DHRS7B: variants seen among roughly 807,000 people sequenced by gnomAD.
The protein encoded by DHRS7B is peroxisomal reductase activating PPAR-gamma.
In DHRS7B, 24 loss-of-function variants were observed where a neutral mutation model predicts 26.4. That is an observed-to-expected ratio of 0.91 (90% CI 0.66 to 1.28). The LOEUF (loss-of-function observed/expected upper bound fraction) is 1.28. DHRS7B is among the 50% of genes most tolerant of loss of function. The pLI is 0.00. For synonymous variants in DHRS7B, 142 were observed against 166.4 expected, an observed-to-expected ratio of 0.85 and a Z score of 1.13; for missense variants, 368 against 419.4, an observed-to-expected ratio of 0.88 and a Z score of 1.07.
At chr17:21,163,387 T>C (rs1401635644) in intron 1 of DHRS7B, among the ~76,000 whole-genome samples, 1 of 152,200 alleles carries the variant, frequency 6.6e-6, no homozygotes, top group African/African-American at 2.4e-5. Flanking sequence ...TTGAGTTCCC[T>C]TTAAAAAGCA....
chr17:21,172,362 C>G (rs1410906812), intron 2 of DHRS7B, 166 bp downstream of exon 2: 1 of 838,164 alleles, frequency 1.2e-6, no homozygotes, highest in East Asian at 2.9e-5. Flanking sequence ...GTGGAAAAAG[C>G]AGGAGCCAAG....
At chr17:21,166,568 G>T in intron 1 of DHRS7B, 1 of 662,438 alleles carries the variant, frequency 1.5e-6, no homozygotes, top group Non-Finnish European at 1.9e-6. Flanking sequence ...GTTTGACCCT[G>T]CCTTTACTTT....
intron 3 of DHRS7B, among the ~76,000 whole-genome samples, chr17:21,180,263 T>A (rs1431108939): frequency 6.6e-6 from 1 of 151,744 alleles, no homozygotes; most frequent in Non-Finnish European, 1.5e-5. Context: ...TTAGTAGAGA[T>A]TGGGTTTCAC....
intron 1 of DHRS7B, among the ~76,000 whole-genome samples, chr17:21,157,316 A>G (rs1318525407): frequency 6.6e-6 from 1 of 152,250 alleles, no homozygotes; most frequent in African/African-American, 2.4e-5. Context: ...TCCTCAAAAA[A>G]TATTAGCAAA....
rs1266752997 is a variant in DHRS7B, at chr17:21,129,719, AAAAAAG to A, written c.20+2740_20+2745del. Among the ~76,000 whole-genome samples the A allele has an allele frequency of 6.2e-4, 93 of 149,828 alleles. No homozygotes were observed. The East Asian group carries it at 0.013, about 21-fold the overall frequency. On this transcript the variant is annotated intron_variant, in intron 1 of 6. Coordinates refer to ENST00000395511, the MANE Select transcript of DHRS7B (RefSeq NM_015510.5). ...GACCCTGACTCAAAAAAAAAAAAAA[AAAAAAG>A]AAAAAGAAAAAAATAAGCATTAAAC...
intron 2 of DHRS7B, among the ~76,000 whole-genome samples, chr17:21,176,141 C>T (rs938680181): frequency 6.6e-6 from 1 of 152,128 alleles, no homozygotes; most frequent in East Asian, 2.0e-4. Flanking sequence ...CAGGCATGCG[C>T]CACCACACCT....
chr17:21,171,480 G>T (rs1974245876), intron 1 of DHRS7B, among the ~76,000 whole-genome samples: 1 of 152,166 alleles, frequency 6.6e-6, no homozygotes, highest in East Asian at 1.9e-4. Context: ...GTGGTCAGAA[G>T]TCCATCTGTG....
At chr17:21,138,760 G>A (rs1161005025) in intron 1 of DHRS7B, among the ~76,000 whole-genome samples, 1 of 151,752 alleles carries the variant, frequency 6.6e-6, no homozygotes, top group Admixed American at 6.6e-5. Flanking sequence ...TTTTTAAAAA[G>A]GACACATCCT....
intron 3 of DHRS7B, among the ~76,000 whole-genome samples, chr17:21,179,309 A>G (rs1597755589): frequency 6.6e-6 from 1 of 152,296 alleles, no homozygotes; most frequent in East Asian, 1.9e-4. Flanking sequence ...AGAAATGTCT[A>G]TTCAAGGCCA....
intron 5 of DHRS7B, among the ~76,000 whole-genome samples, chr17:21,187,633 CAAAA>C (rs370213730): frequency 2.0e-5 from 2 of 99,680 alleles, no homozygotes; most frequent in Non-Finnish European, 2.0e-5. Flanking sequence ...GACTCTGTCT[CAAAA>C]AAAAAAAAAA....
chr17:21,165,338 T>A (rs774141773), intron 1 of DHRS7B, among the ~76,000 whole-genome samples: 1 of 151,934 alleles, frequency 6.6e-6, no homozygotes, highest in African/African-American at 2.4e-5. Flanking sequence ...AACACTATAT[T>A]CACTTTTTTT....
intron 1 of DHRS7B, among the ~76,000 whole-genome samples, chr17:21,138,638 C>T (rs1341009646): frequency 6.6e-6 from 1 of 152,052 alleles, no homozygotes. Flanking sequence ...TACAAAAATC[C>T]TATTTATTTT....
At chr17:21,136,647 G>C (rs892740365) in intron 1 of DHRS7B, among the ~76,000 whole-genome samples, 1 of 152,086 alleles carries the variant, frequency 6.6e-6, no homozygotes, top group African/African-American at 2.4e-5. Context: ...CGCCTCCCAG[G>C]TTCAAGCGAT....
intron 1 of DHRS7B, among the ~76,000 whole-genome samples, chr17:21,130,175 A>G (rs1292875057): frequency 6.6e-6 from 1 of 152,208 alleles, no homozygotes; most frequent in African/African-American, 2.4e-5. Flanking sequence ...AGGAGGGCAG[A>G]TCACCTGAGG....
intron 1 of DHRS7B, among the ~76,000 whole-genome samples, chr17:21,150,433 T>G (rs1307194258): frequency 6.6e-6 from 1 of 151,898 alleles, no homozygotes; most frequent in East Asian, 1.9e-4. Context: ...CCTGGCCAAC[T>G]TGGTGAAACC....
intron 5 of DHRS7B, among the ~76,000 whole-genome samples, chr17:21,187,599 ACTCC>A (rs1974671083): frequency 6.9e-6 from 1 of 145,336 alleles, no homozygotes; most frequent in South Asian, 2.2e-4. Flanking sequence ...GCACTCCAGC[ACTCC>A]CGCCTGGGTG....
chr17:21,146,057 C>G (rs1973636645), intron 1 of DHRS7B, among the ~76,000 whole-genome samples: 1 of 152,128 alleles, frequency 6.6e-6, no homozygotes, highest in African/African-American at 2.4e-5. Flanking sequence ...GATAGATAAC[C>G]CAGCAGTTGT....
chr17:21,167,604 CCTT>C (rs1329606135), intron 1 of DHRS7B, among the ~76,000 whole-genome samples: 4 of 152,124 alleles, frequency 2.6e-5, no homozygotes, highest in African/African-American at 9.7e-5. Flanking sequence ...GGGGCTCTCA[CCTT>C]CTTTTTCTGG....
intron 3 of DHRS7B, among the ~76,000 whole-genome samples, chr17:21,181,754 T>C (rs1430780382): frequency 1.3e-5 from 2 of 152,252 alleles, no homozygotes; most frequent in East Asian, 3.8e-4. Flanking sequence ...AGATTATTCA[T>C]TGTTTGTATA....
Sources: allele counts gnomAD v4.1 joint callset (sites outside exome capture counted in the v4.1 genomes callset), GRCh38; gene constraint gnomAD v4.1.1; transcripts MANE v1.5; gene names NCBI Gene and HGNC (gene_info 2026-07-23, HGNC 2026-07-21).